Variants in CRIM1 observed in about 807,000 individuals in gnomAD.
The protein encoded by CRIM1 is cysteine-rich motor neuron 1 protein.
In CRIM1, 32 loss-of-function variants were observed where a neutral mutation model predicts 116.4. That is an observed-to-expected ratio of 0.27 (90% CI 0.21 to 0.37). CRIM1 has a LOEUF of 0.37. CRIM1 is among the 10% of genes least tolerant of loss of function. CRIM1 has a pLI of 1.00. For synonymous variants in CRIM1, 590 were observed against 509.2 expected, an observed-to-expected ratio of 1.16 and a Z score of -2.13; for missense variants, 1,331 against 1,354.8, an observed-to-expected ratio of 0.98 and a Z score of 0.28.
At chr2:36,512,183 A>G (rs1664731853) in intron 9 of CRIM1, 90 bp from the exon 10 acceptor site, 5 of 1,439,464 alleles carry the variant, frequency 3.5e-6, no homozygotes, top group Non-Finnish European at 4.8e-6. Flanking sequence ...TTTAATAGCA[A>G]TATCACTTTA....
At chr2:36,545,029 A>C (rs1488962746) in intron 15 of CRIM1, among the ~76,000 whole-genome samples, 1 of 152,162 alleles carries the variant, frequency 6.6e-6, no homozygotes, top group East Asian at 1.9e-4. Flanking sequence ...GTCTGTGCGT[A>C]ATAAAGATGT....
At chr2:36,469,662 G>A (rs1678335329) in intron 5 of CRIM1, among the ~76,000 whole-genome samples, 1 of 151,936 alleles carries the variant, frequency 6.6e-6, no homozygotes, top group South Asian at 2.1e-4. Context: ...AAAAACACTA[G>A]TACAGAAAAC....
rs767872401 is a variant in CRIM1, at chr2:36,548,695, A to C, written c.3105A>C (p.Thr1035=). ...TACAGGCAGACAATTTCTACCAAAC[A>C]GTGTGAAGAAAGGCAACTAGGATGA... The part of the protein sequence containing the change: ...NHLQADNFYQ[T]V The change falls in exon 17 of 17, where the codon ACA becomes ACC. Residue 1035 remains threonine (T), a synonymous_variant. Transcript: ENST00000280527. 1.3e-6 allele frequency: 2 copies of C among 1,581,452 alleles called. No homozygotes were observed. The highest frequency in any genetic ancestry group is 2.2e-5 in the East Asian group (1 of 44,658).
chr2:36,369,673 T>A (rs951474099), intron 1 of CRIM1, among the ~76,000 whole-genome samples: 7 of 152,164 alleles, frequency 4.6e-5, no homozygotes, highest in African/African-American at 1.4e-4. Context: ...TTCGAGAAGA[T>A]GATAAATGTG....
intron 2 of CRIM1, among the ~76,000 whole-genome samples, chr2:36,398,861 A>G (rs1672225276): frequency 6.6e-6 from 1 of 152,206 alleles, no homozygotes; most frequent in Non-Finnish European, 1.5e-5. Flanking sequence ...TAGTGATGAA[A>G]TCATACTTAA....
At chr2:36,474,234 T>C (rs191598182) in intron 5 of CRIM1, among the ~76,000 whole-genome samples, 4 of 152,362 alleles carry the variant, frequency 2.6e-5, no homozygotes, top group African/African-American at 9.6e-5. Context: ...TTTTTTTAAA[T>C]CAGATATATG....
At chr2:36,544,686 G>A (rs1007166629) in intron 15 of CRIM1, among the ~76,000 whole-genome samples, 188 bp downstream of exon 15, 1 of 152,204 alleles carries the variant, frequency 6.6e-6, no homozygotes, top group African/African-American at 2.4e-5. Context: ...TAAGTCAGCA[G>A]GTAACTGGAT....
At chr2:36,383,548 A>G (rs1481242750) in intron 1 of CRIM1, among the ~76,000 whole-genome samples, 1 of 152,092 alleles carries the variant, frequency 6.6e-6, no homozygotes, top group East Asian at 1.9e-4. Context: ...GCAGTCACTT[A>G]CTCATTTATT....
chr2:36,411,051 A>G (rs553187429), intron 2 of CRIM1, among the ~76,000 whole-genome samples: 2 of 152,160 alleles, frequency 1.3e-5, no homozygotes, highest in Admixed American at 1.3e-4. Context: ...CTAAATAAAT[A>G]TCTTGCATAT....
At chr2:36,410,866 G>A (rs898949500) in intron 2 of CRIM1, among the ~76,000 whole-genome samples, 48 of 152,132 alleles carry the variant, frequency 3.2e-4, no homozygotes, top group Admixed American at 1.1e-3. Flanking sequence ...TTAACGTGGC[G>A]TCTGCAAGTA....
At position 36,532,232 on chromosome 2, in the gene CRIM1, T is replaced by C. The variant is rs115944023; in HGVS notation, c.2429-5120T>C. 2.2e-3 allele frequency among the ~76,000 whole-genome samples: 337 copies of C among 152,352 alleles called. 1 individual carries two copies. The highest frequency in any genetic ancestry group is 7.8e-3 in the African/African-American group (325 of 41,600). On this transcript the variant is annotated intron_variant, in intron 13 of 16. Coordinates refer to ENST00000280527, the MANE Select transcript of CRIM1 (RefSeq NM_016441.3). ...CAGCGGCAGTACCATTGGAAGAGTT[T>C]ACAGCCTACCAGGACTACTTAGAAG...
chr2:36,514,756 A>G (rs1485357801), intron 11 of CRIM1, among the ~76,000 whole-genome samples: 3 of 152,168 alleles, frequency 2.0e-5, no homozygotes, highest in Non-Finnish European at 2.9e-5. Flanking sequence ...TTGTGCAACA[A>G]GACTAGCCTG....
At chr2:36,381,035 A>G (rs1670714021) in intron 1 of CRIM1, among the ~76,000 whole-genome samples, 1 of 152,156 alleles carries the variant, frequency 6.6e-6, no homozygotes, top group Non-Finnish European at 1.5e-5. Flanking sequence ...TTGTCCCAGA[A>G]TACAGAACAC....
At chr2:36,517,153 T>C (rs1432160426) in intron 11 of CRIM1, among the ~76,000 whole-genome samples, 174 bp from the exon 12 acceptor site, 1 of 152,196 alleles carries the variant, frequency 6.6e-6, no homozygotes, top group Non-Finnish European at 1.5e-5. Context: ...TCTTTTGCCA[T>C]TGTCTTCTGT....
At chr2:36,530,457 G>A (rs1049116590) in intron 13 of CRIM1, among the ~76,000 whole-genome samples, 5 of 152,146 alleles carry the variant, frequency 3.3e-5, no homozygotes, top group African/African-American at 1.2e-4. Flanking sequence ...TCCAAGTGTG[G>A]AGTTTGTGCC....
At chr2:36,514,159 C>T (rs1387131021) in intron 11 of CRIM1, among the ~76,000 whole-genome samples, 1 of 152,182 alleles carries the variant, frequency 6.6e-6, no homozygotes, top group Non-Finnish European at 1.5e-5. Context: ...AAAACCTTAT[C>T]ACATTTAAAG....
At chr2:36,517,593 G>A (rs780206806) in intron 12 of CRIM1, 51 bp downstream of exon 12, 2 of 1,560,548 alleles carry the variant, frequency 1.3e-6, no homozygotes, top group Non-Finnish European at 1.8e-6. Context: ...ATGCAGCTCT[G>A]GGTGTTGTCA....
intron 7 of CRIM1, among the ~76,000 whole-genome samples, chr2:36,497,498 T>C (rs1007754250): frequency 2.0e-5 from 3 of 152,114 alleles, no homozygotes; most frequent in Non-Finnish European, 2.9e-5. Flanking sequence ...TGCAGTAAAT[T>C]TTAAGAGAAT....
In CRIM1 at chr2:36,356,558, G is replaced by A; in HGVS notation, c.266G>A (p.Arg89His). 1.2e-6 allele frequency: 2 copies of A among 1,612,572 alleles called. No individual in the cohort carries two copies. The highest frequency in any genetic ancestry group is 1.7e-6 in the Non-Finnish European group (2 of 1,179,840). ...TACGGAACCTGCGACCGGGGGCTGC[G>A]TTGTGTCATCCGCCCCCCGCTCAAT... ...GIYGTCDRGLRCVIRPPLNGD... is the reference protein window; with the variant it reads ...GIYGTCDRGLHCVIRPPLNGD... Residue 89 changes from arginine (R) to histidine (H), a missense_variant, in exon 1 of 17, where the codon CGT (arginine) becomes CAT (histidine). This residue lies in a region of CRIM1 where 690 missense variants were observed against 676.0 expected (regional missense o/e 1.02). Coordinates refer to ENST00000280527, the MANE Select transcript of CRIM1 (RefSeq NM_016441.3). This position sits in a 1 kb window ranked among gnomAD's most constrained non-coding sequence, Gnocchi z 4.3.
Sources: allele counts gnomAD v4.1 joint callset (sites outside exome capture counted in the v4.1 genomes callset), GRCh38; gene constraint gnomAD v4.1.1; regional missense constraint gnomAD v4.1.1; non-coding constraint Gnocchi (gnomAD v3.1); transcripts MANE v1.5; gene names NCBI Gene and HGNC (gene_info 2026-07-23, HGNC 2026-07-21).